Variants in SH3D19 observed in about 807,000 individuals in gnomAD.
SH3D19 encodes the protein SH3 domain containing 19, also known as SH3 domain-containing protein 19.
SH3D19 carries 58 observed loss-of-function variants against 112.1 expected under a neutral mutation model. The observed-to-expected ratio is 0.52, with a 90% CI of 0.42 to 0.64. The LOEUF (loss-of-function observed/expected upper bound fraction) is 0.64. SH3D19 is among the 30% of genes least tolerant of loss of function. The pLI is 0.00. For missense variants in SH3D19, 1,090 were observed against 1,263.4 expected, an observed-to-expected ratio of 0.86 and a Z score of 2.08; for synonymous variants, 391 against 448.5, an observed-to-expected ratio of 0.87 and a Z score of 1.62.
At chr4:151,252,873 C>A (rs1192540074) in intron 1 of SH3D19, among the ~76,000 whole-genome samples, 1 of 152,200 alleles carries the variant, frequency 6.6e-6, no homozygotes, top group African/African-American at 2.4e-5. Context: ...CTTCTTCTCA[C>A]AACCACATCC....
rs58666128 is a variant in SH3D19, at chr4:151,215,047, A to G, written c.152+11000T>C. On this transcript the variant is annotated intron_variant, in intron 2 of 19. Coordinates refer to ENST00000604030, the MANE Select transcript of SH3D19 (RefSeq NM_001378122.1). The stretch of plus-strand genomic sequence containing the variant: ...CATCCCAGACGGGGCGGCGGGGCAA[A>G]GGCGCTCCCCACATCTCAGACGATG... 4.8e-3 allele frequency among the ~76,000 whole-genome samples: 711 copies of G among 147,898 alleles called. 9 individuals carry two copies. The highest frequency in any genetic ancestry group is 0.017 in the African/African-American group (672 of 39,722).
At chr4:151,240,783 C>T (rs1770489200) in intron 1 of SH3D19, among the ~76,000 whole-genome samples, 1 of 151,918 alleles carries the variant, frequency 6.6e-6, no homozygotes, top group African/African-American at 2.4e-5. Flanking sequence ...AGAAATTCTA[C>T]TCAGGTTTAT....
intron 1 of SH3D19, among the ~76,000 whole-genome samples, chr4:151,258,613 G>A (rs1018667691): frequency 2.6e-5 from 4 of 152,180 alleles, no homozygotes; most frequent in Non-Finnish European, 5.9e-5. Context: ...CCCACCCTCA[G>A]GCTGAATCCC....
In SH3D19 at chr4:151,159,443, G is replaced by A. The variant is rs1756752652; in HGVS notation, c.1643-91C>T. ...TGCTGCTTAGTTTATTAGAAAAATG[G>A]CTATCATAAAAGATACACACAAATA... On this transcript the variant is annotated intron_variant, in intron 8 of 19. Coordinates refer to ENST00000604030, the MANE Select transcript of SH3D19 (RefSeq NM_001378122.1). 2.7e-5 allele frequency: 21 copies of A among 766,986 alleles called. 1 individual carries two copies. In the South Asian group the frequency reaches 4.0e-4, roughly 14 times the overall value. 47.5% of individuals were successfully genotyped at this position (766,986 alleles called of 1,614,324 possible). A position where few individuals can be genotyped will look rare whatever the true frequency, so the allele number is the denominator to read the frequency against.
Position 151,143,972 on chromosome 4 carries a change from C to T in SH3D19, c.2161G>A (p.Val721Ile). Residue 721 changes from valine to isoleucine, a missense_variant, in exon 12 of 20, where the codon GTT becomes ATT. Val to Ile is a conservative substitution (Grantham distance 29). Coordinates refer to ENST00000604030, the MANE Select transcript of SH3D19 (RefSeq NM_001378122.1). ...ECQKGEDTGR[V>I]HLSQMKIITP... ...ATAATCTTCATTTGAGACAGGTGAACTCTGCCAGTGTCTTCTCCCTTTTGG... is the reference window on the plus strand; with the variant it reads ...ATAATCTTCATTTGAGACAGGTGAATTCTGCCAGTGTCTTCTCCCTTTTGG... 5 of 1,614,112 alleles carry T rather than the reference C, an allele frequency of 3.1e-6. No homozygotes were observed. The highest frequency in any genetic ancestry group is 4.2e-6 in the Non-Finnish European group (5 of 1,180,004).
At chr4:151,300,132 C>T (rs1326469888) in intron 1 of SH3D19, among the ~76,000 whole-genome samples, 4 of 151,806 alleles carry the variant, frequency 2.6e-5, no homozygotes, top group African/African-American at 7.3e-5. Flanking sequence ...ACCCAGGAGG[C>T]GGAGGTTGCA....
intron 1 of SH3D19, among the ~76,000 whole-genome samples, chr4:151,287,653 G>A (rs1269363709): frequency 6.6e-6 from 1 of 152,184 alleles, no homozygotes; most frequent in Non-Finnish European, 1.5e-5. Context: ...CCAGCACTTT[G>A]AGAGGCCAAG....
At chr4:151,282,203 T>G (rs1262748779) in intron 1 of SH3D19, 1 of 1,613,908 alleles carries the variant, frequency 6.2e-7, no homozygotes, top group Non-Finnish European at 8.5e-7. Flanking sequence ...AGTAGGTGAC[T>G]CAAGGAAACG....
intron 1 of SH3D19, among the ~76,000 whole-genome samples, chr4:151,310,158 G>C (rs112105205): frequency 6.7e-6 from 1 of 149,028 alleles, no homozygotes; most frequent in African/African-American, 2.5e-5. Context: ...AGGATAACTT[G>C]AGGCCAGGAG....
At chr4:151,137,700 T>A (rs774968790) in intron 14 of SH3D19, 32 bp downstream of exon 14, 15 of 1,554,870 alleles carry the variant, frequency 9.6e-6, no homozygotes, top group Non-Finnish European at 1.3e-5. Flanking sequence ...ACTGAGTATA[T>A]GACCAAATTA....
chr4:151,125,501 A>AAG, intron 19 of SH3D19, among the ~76,000 whole-genome samples: 1 of 151,460 alleles, frequency 6.6e-6, no homozygotes, highest in Non-Finnish European at 1.5e-5. Context: ...CCAAAAAAAA[A>AAG]AAAAAAGAAA....
chr4:151,322,205 T>A (rs566273219), intron 1 of SH3D19, among the ~76,000 whole-genome samples: 1 of 151,964 alleles, frequency 6.6e-6, no homozygotes, highest in East Asian at 1.9e-4. Flanking sequence ...TTCCAGCACT[T>A]TGGGAGGCTG....
chr4:151,140,820 C>A (rs993739121), intron 12 of SH3D19: 2 of 152,258 alleles, frequency 1.3e-5, no homozygotes, highest in Non-Finnish European at 2.9e-5. Context: ...CCATGATGCA[C>A]CAGGCTGATT....
chr4:151,173,693 A>G (rs1759452440), intron 7 of SH3D19, among the ~76,000 whole-genome samples: 1 of 152,212 alleles, frequency 6.6e-6, no homozygotes, highest in South Asian at 2.1e-4. Flanking sequence ...CATGATGAAT[A>G]TTTAATAATG....
rs891804414 is a variant in SH3D19 at position 151,227,842 on chromosome 4, T to G, written c.113-1756A>C. On this transcript the variant is annotated intron_variant, in intron 1 of 19. Coordinates refer to ENST00000604030, the MANE Select transcript of SH3D19 (RefSeq NM_001378122.1). ...CCTAGTTACATAGTTTACTTAGGCA[T>G]GTAATAGCAAATTTCCCCACTAATC... 3.0e-6 allele frequency: 3 copies of G among 985,330 alleles called. No individual in the cohort carries two copies. The African/African-American group carries it at 5.2e-5, about 17-fold the overall frequency. The allele number at this position is 985,330 out of a possible 1,614,324, so 61.0% of individuals were successfully genotyped here.
At chr4:151,266,123 G>C (rs1377023220) in intron 1 of SH3D19, 1 of 152,128 alleles carries the variant, frequency 6.6e-6, no homozygotes, top group African/African-American at 2.4e-5. Flanking sequence ...GGAGACTTGG[G>C]TATAATCTTA....
At chr4:151,214,454 C>CA (rs1561355972) in intron 2 of SH3D19, among the ~76,000 whole-genome samples, 1 of 16,994 alleles carries the variant, frequency 5.9e-5, no homozygotes. Flanking sequence ...GCTGGCCGGG[C>CA]GGGGGGCTGA....
intron 2 of SH3D19, among the ~76,000 whole-genome samples, chr4:151,205,118 G>A (rs1369250939): frequency 2.0e-5 from 3 of 152,122 alleles, no homozygotes; most frequent in Admixed American, 6.6e-5. Flanking sequence ...AAGGGTGCCC[G>A]GCCAAGTCTG....
intron 3 of SH3D19, among the ~76,000 whole-genome samples, chr4:151,183,361 T>C (rs1004753849): frequency 6.6e-6 from 1 of 152,176 alleles, no homozygotes; most frequent in African/African-American, 2.4e-5. Flanking sequence ...AAAGTTGAGA[T>C]GTAGATGTGC....
Sources: gnomAD v4.1 joint callset for allele counts (sites outside exome capture counted in the v4.1 genomes callset) on GRCh38, gnomAD v4.1.1 for gene constraint, MANE v1.5 for transcripts, NCBI Gene and HGNC (gene_info 2026-07-23, HGNC 2026-07-21) for gene names.